SDCCAG8: variants seen among roughly 807,000 people sequenced by gnomAD.
The protein encoded by SDCCAG8 is serologically defined colon cancer antigen 8.
Under a neutral mutation model 101.8 loss-of-function variants are expected in SDCCAG8, and 74 were observed. The ratio of observed to expected loss-of-function variants is 0.73; its 90% CI spans 0.60 to 0.88. SDCCAG8 has a LOEUF of 0.88. SDCCAG8 is among the 40% of genes least tolerant of loss of function. SDCCAG8 has a pLI of 0.00. For synonymous variants in SDCCAG8, 281 were observed against 292.9 expected, an observed-to-expected ratio of 0.96 and a Z score of 0.41; for missense variants, 787 against 822.6, an observed-to-expected ratio of 0.96 and a Z score of 0.53.
chr1:243,326,679 ATGTT>A (rs757686149), intron 9 of SDCCAG8, among the ~76,000 whole-genome samples: 11 of 152,308 alleles, frequency 7.2e-5, no homozygotes, highest in East Asian at 1.9e-4. Flanking sequence ...AAAAATAAAA[ATGTT>A]TGTAAGCTTT....
intron 16 of SDCCAG8, among the ~76,000 whole-genome samples, chr1:243,466,065 T>C (rs1000077879): frequency 2.0e-5 from 3 of 152,210 alleles, no homozygotes; most frequent in Admixed American, 6.5e-5. Flanking sequence ...AGCGTTGAAA[T>C]AGCAATGCGC....
intron 16 of SDCCAG8, among the ~76,000 whole-genome samples, chr1:243,427,480 C>T (rs879625624): frequency 2.0e-5 from 3 of 152,170 alleles, no homozygotes; most frequent in African/African-American, 4.8e-5. Flanking sequence ...CTTGGACTTC[C>T]ACATGACAAC....
chr1:243,415,062 C>G (rs2080474397), intron 13 of SDCCAG8, among the ~76,000 whole-genome samples: 1 of 152,240 alleles, frequency 6.6e-6, no homozygotes, highest in African/African-American at 2.4e-5. Flanking sequence ...ACTACAGAAG[C>G]TTTTCATCCT....
At chr1:243,306,461 A>T (rs1457726881) in intron 7 of SDCCAG8, 2 of 152,168 alleles carry the variant, frequency 1.3e-5, no homozygotes, top group African/African-American at 4.8e-5. Flanking sequence ...TGTTCTCTGA[A>T]TCCTTCTGTT....
chr1:243,460,622 C>T (rs896286932), intron 16 of SDCCAG8, among the ~76,000 whole-genome samples: 2 of 152,132 alleles, frequency 1.3e-5, no homozygotes, highest in African/African-American at 4.8e-5. Context: ...GTAGAGCAGC[C>T]CTAGCTGACT....
chr1:243,430,915 T>C (rs2081706075), intron 16 of SDCCAG8, among the ~76,000 whole-genome samples: 1 of 151,920 alleles, frequency 6.6e-6, no homozygotes, highest in African/African-American at 2.4e-5. Context: ...AGACCAGTTA[T>C]GGGCCGGGCG....
chr1:243,483,193 G>A lies in SDCCAG8; in HGVS notation c.1986-5821G>A, dbSNP rs959171400. Among the ~76,000 whole-genome samples the A allele has an allele frequency of 2.0e-5, 3 of 152,212 alleles. No individual in the cohort carries two copies. In the South Asian group the frequency reaches 6.2e-4, roughly 32 times the overall value. On this transcript the variant is annotated intron_variant, in intron 16 of 17. Coordinates refer to ENST00000366541, the MANE Select transcript of SDCCAG8 (RefSeq NM_006642.5). ...GTGGAGGGCACGGGGCGGCGGCTGC[G>A]GAGCCCGGGGAGGAGGCGGCGGGCG...
chr1:243,372,510 T>C (rs530089034), intron 12 of SDCCAG8, among the ~76,000 whole-genome samples: 35 of 152,132 alleles, frequency 2.3e-4, no homozygotes, highest in Non-Finnish European at 4.3e-4. Flanking sequence ...TTTGCATTCA[T>C]TTCTTTGGAT....
chr1:243,274,784 G>A, intron 4 of SDCCAG8, 128 bp downstream of exon 4: 2 of 618,808 alleles, frequency 3.2e-6, no homozygotes, highest in Admixed American at 2.5e-5. Context: ...ATTCTTACGT[G>A]ATTGAGAGAC....
Position 243,290,121 on chromosome 1 carries a change from A to C in SDCCAG8, c.547-2970A>C, listed in dbSNP as rs574794800. On this transcript the variant is annotated intron_variant, in intron 5 of 17. Transcript: ENST00000366541. ...TTTTGTCATGTGTCCTTCTTTAAAG[A>C]TCCAGGAGTTTTTTCTTAAGGAGAA... 5.3e-5 allele frequency among the ~76,000 whole-genome samples: 8 copies of C among 152,192 alleles called. No homozygotes were observed. In the South Asian group the frequency reaches 1.7e-3, roughly 32 times the overall value.
At chr1:243,411,954 A>T (rs2080212910) in intron 13 of SDCCAG8, among the ~76,000 whole-genome samples, 1 of 152,154 alleles carries the variant, frequency 6.6e-6, no homozygotes, top group African/African-American at 2.4e-5. Flanking sequence ...AATTGGAGAG[A>T]CTGGCTTGAC....
chr1:243,430,316 C>T (rs925864754), intron 16 of SDCCAG8, among the ~76,000 whole-genome samples: 1 of 152,058 alleles, frequency 6.6e-6, no homozygotes, highest in African/African-American at 2.4e-5. Flanking sequence ...AAGCATAGTA[C>T]TGGAGGAAGA....
At chr1:243,350,932 G>T (rs1438309882) in intron 12 of SDCCAG8, among the ~76,000 whole-genome samples, 1 of 152,170 alleles carries the variant, frequency 6.6e-6, no homozygotes, top group African/African-American at 2.4e-5. Flanking sequence ...TTTTAAAAGT[G>T]GGTAACAGCA....
At chr1:243,338,262 A>C (rs2147772102) in intron 10 of SDCCAG8, among the ~76,000 whole-genome samples, 1 of 152,260 alleles carries the variant, frequency 6.6e-6, no homozygotes, top group Non-Finnish European at 1.5e-5. Flanking sequence ...TGCCTGGCCC[A>C]AGAACATAAT....
intron 16 of SDCCAG8, among the ~76,000 whole-genome samples, chr1:243,431,505 C>T (rs139581897): frequency 1.3e-5 from 2 of 152,166 alleles, no homozygotes; most frequent in Non-Finnish European, 2.9e-5. Context: ...TCAAGCGTTA[C>T]GTTTTGGCCA....
At chr1:243,330,870 T>G (rs2074540356) in intron 10 of SDCCAG8, among the ~76,000 whole-genome samples, 178 bp downstream of exon 10, 1 of 152,264 alleles carries the variant, frequency 6.6e-6, no homozygotes, top group Admixed American at 6.5e-5. Context: ...TTCATATATT[T>G]CTCAATAGTT....
At chr1:243,407,121 G>A (rs757914491) in intron 13 of SDCCAG8, among the ~76,000 whole-genome samples, 15 of 152,130 alleles carry the variant, frequency 9.9e-5, no homozygotes, top group Non-Finnish European at 1.8e-4. Flanking sequence ...GCACACTGAT[G>A]CATCCCCATA....
At chr1:243,454,525 C>T (rs577063675) in intron 16 of SDCCAG8, among the ~76,000 whole-genome samples, 2 of 152,242 alleles carry the variant, frequency 1.3e-5, no homozygotes, top group Admixed American at 6.5e-5. Context: ...TCACTGTACC[C>T]GTTTGGGCAT....
At chr1:243,312,901 C>G (rs916384205) in intron 8 of SDCCAG8, among the ~76,000 whole-genome samples, 1 of 152,078 alleles carries the variant, frequency 6.6e-6, no homozygotes, top group Non-Finnish European at 1.5e-5. Flanking sequence ...TTGTTTCCGA[C>G]CTTTCGCCTT....
Sources: allele counts gnomAD v4.1 joint callset (sites outside exome capture counted in the v4.1 genomes callset), GRCh38; gene constraint gnomAD v4.1.1; transcripts MANE v1.5; gene names NCBI Gene and HGNC (gene_info 2026-07-23, HGNC 2026-07-21).